The following GLI3 variants were observed in gnomAD, a reference collection of about 807,000 sequenced individuals.
GLI3 encodes the protein transcription activator GLI3.
GLI3 carries 20 observed loss-of-function variants against 100.8 expected under a neutral mutation model. The observed-to-expected ratio is 0.20, with a 90% CI of 0.14 to 0.29. The LOEUF (loss-of-function observed/expected upper bound fraction) is 0.29. Ranked by LOEUF, GLI3 falls within the 10% of genes least tolerant of loss-of-function variation. The probability of loss-of-function intolerance (pLI) is 1.00; values close to 1 mark genes in which losing one functional copy is unlikely to be tolerated. For missense variants in GLI3, 2,040 were observed against 2,128.5 expected, an observed-to-expected ratio of 0.96 and a Z score of 0.82; for synonymous variants, 938 against 860.5, an observed-to-expected ratio of 1.09 and a Z score of -1.58.
chr7:42,225,603 C>T (rs1480792382), intron 1 of GLI3, among the ~76,000 whole-genome samples: 2 of 152,166 alleles, frequency 1.3e-5, no homozygotes, highest in African/African-American at 4.8e-5. Context: ...TCAGGTGATC[C>T]ACCCGCCTCG....
intron 10 of GLI3, among the ~76,000 whole-genome samples, chr7:41,988,881 T>C (rs747394354): frequency 2.6e-5 from 4 of 152,232 alleles, no homozygotes; most frequent in Non-Finnish European, 4.4e-5. Flanking sequence ...GAGGCTTCTC[T>C]TACCATCCAG....
rs191572464 is a variant in GLI3, at chr7:42,205,904, T to C, written c.124+17226A>G. 2.0e-5 allele frequency among the ~76,000 whole-genome samples: 3 copies of C among 152,292 alleles called. No homozygotes were observed. In the East Asian group the frequency reaches 5.8e-4, roughly 29 times the overall value. On this transcript the variant is annotated intron_variant, in intron 2 of 14. Coordinates refer to ENST00000395925, the MANE Select transcript of GLI3 (RefSeq NM_000168.6). ...TGTGAGAATGCCACAGAAAAACGAC[T>C]AAGATTGCTTCCCACAGCCAATATA...
upstream of GLI3, among the ~76,000 whole-genome samples, chr7:42,239,530 G>A (rs576922474): frequency 6.6e-6 from 1 of 152,082 alleles, no homozygotes; most frequent in Non-Finnish European, 1.5e-5. Context: ...AATACAAATA[G>A]TACATCCTGA....
intron 14 of GLI3, among the ~76,000 whole-genome samples, chr7:41,967,312 C>T (rs1393776426): frequency 2.0e-5 from 3 of 152,220 alleles, no homozygotes; most frequent in African/African-American, 7.2e-5. Context: ...CCACAGATGC[C>T]TCCACTGCTG....
At chr7:42,019,695 T>C (rs954323926) in intron 10 of GLI3, among the ~76,000 whole-genome samples, 2 of 152,156 alleles carry the variant, frequency 1.3e-5, no homozygotes. Context: ...AAGAAAAATA[T>C]GGACTTTCAA....
chr7:42,037,099 C>A (rs1784027405), intron 7 of GLI3, among the ~76,000 whole-genome samples: 1 of 152,108 alleles, frequency 6.6e-6, no homozygotes, highest in Non-Finnish European at 1.5e-5. Context: ...CGAGATCGTG[C>A]CACTTCACTC....
chr7:42,181,609 A>G (rs952435814), intron 2 of GLI3, among the ~76,000 whole-genome samples: 1 of 152,190 alleles, frequency 6.6e-6, no homozygotes, highest in Admixed American at 6.5e-5. Flanking sequence ...CATCTCAACA[A>G]CAAACAAAAA....
intron 3 of GLI3, among the ~76,000 whole-genome samples, chr7:42,091,631 C>T (rs1435160476): frequency 1.3e-5 from 2 of 152,228 alleles, no homozygotes; most frequent in Non-Finnish European, 1.5e-5. Flanking sequence ...ATATATAAAT[C>T]ACAATTACTA....
chr7:42,228,136 C>T (rs933431398), intron 1 of GLI3, among the ~76,000 whole-genome samples: 5 of 152,054 alleles, frequency 3.3e-5, no homozygotes, highest in Non-Finnish European at 5.9e-5. Flanking sequence ...GCGCTGTCTG[C>T]AGCCGCGTCG....
At chr7:41,989,252 T>A (rs1313873192) in intron 10 of GLI3, among the ~76,000 whole-genome samples, 2 of 152,226 alleles carry the variant, frequency 1.3e-5, no homozygotes. Flanking sequence ...TTATTTTAAC[T>A]GTGTAGTCAT....
At chr7:42,024,744 T>A (rs1179293719) in intron 9 of GLI3, among the ~76,000 whole-genome samples, 1 of 152,176 alleles carries the variant, frequency 6.6e-6, no homozygotes, top group East Asian at 1.9e-4. Context: ...TTAGGCTGAG[T>A]GCCAGAATCC....
chr7:42,121,924 G>T lies in GLI3; in HGVS notation c.367+26302C>A, dbSNP rs891203087. 2.6e-5 allele frequency among the ~76,000 whole-genome samples: 4 copies of T among 152,250 alleles called. No individual in the cohort carries two copies. The East Asian group carries it at 5.8e-4, about 22-fold the overall frequency. On this transcript the variant is annotated intron_variant, in intron 3 of 14. Transcript: ENST00000395925. ...TAAGCCCCAGATCTTAAAATTAAAAGGTACCAAGTAGCCACAACAAGTGGA... is the reference window on the plus strand; with the variant it reads ...TAAGCCCCAGATCTTAAAATTAAAATGTACCAAGTAGCCACAACAAGTGGA...
chr7:42,076,815 A>G lies in GLI3; in HGVS notation c.410T>C (p.Ile137Thr). The G allele has an allele frequency of 6.2e-7, 1 of 1,613,552 alleles. No individual in the cohort carries two copies. Among genetic ancestry groups the G allele is most frequent in the Non-Finnish European group, 8.5e-7 (1 of 1,179,428 alleles). Residue 137 changes from isoleucine (I) to threonine (T), a missense_variant, in exon 4 of 15, where the codon ATT (isoleucine) becomes ACT (threonine). Ile to Thr is a moderately conservative substitution (Grantham distance 89). Around this residue, in one of 5 missense-constraint regions of GLI3, gnomAD observed 603 missense variants for 690.9 expected, o/e 0.87. Transcript: ENST00000395925. ...LFPAFHPPVP[I>T]DARHHEGRYH... ...ACGGCCCTCATGATGTCTGGCATCA[A>G]TTGGTACAGGAGGATGGAAGGCAGG...
chr7:42,039,668 T>A (rs1784090221), intron 7 of GLI3, among the ~76,000 whole-genome samples: 1 of 152,232 alleles, frequency 6.6e-6, no homozygotes, highest in Non-Finnish European at 1.5e-5. Context: ...TTGTTCATGT[T>A]CTGTACATGT....
chr7:42,076,372 C>T (rs1312162018), intron 4 of GLI3, among the ~76,000 whole-genome samples: 2 of 152,126 alleles, frequency 1.3e-5, no homozygotes, highest in African/African-American at 4.8e-5. Context: ...CTTGTGATCC[C>T]CAGAACAGGA....
At chr7:42,226,382 T>C (rs1299810504) in intron 1 of GLI3, among the ~76,000 whole-genome samples, 1 of 152,192 alleles carries the variant, frequency 6.6e-6, no homozygotes, top group Non-Finnish European at 1.5e-5. Context: ...TTTGTGGAGT[T>C]GTTGGTTTTT....
chr7:42,151,832 C>T (rs776665946), intron 2 of GLI3: 4 of 152,028 alleles, frequency 2.6e-5, no homozygotes, highest in African/African-American at 7.2e-5. Context: ...TAGAAACTGT[C>T]CCAGAATTTC....
At chr7:42,005,132 A>G (rs1029739876) in intron 10 of GLI3, among the ~76,000 whole-genome samples, 1 of 152,192 alleles carries the variant, frequency 6.6e-6, no homozygotes, top group African/African-American at 2.4e-5. Flanking sequence ...TTAGAAATAC[A>G]TGAAGACAAA....
chr7:42,221,377 T>C (rs867785396), intron 2 of GLI3, among the ~76,000 whole-genome samples: 3 of 152,224 alleles, frequency 2.0e-5, no homozygotes, highest in African/African-American at 7.2e-5. Flanking sequence ...GCAGGCTCCA[T>C]GCAGTGCAGC....
Sources: allele counts gnomAD v4.1 joint callset (sites outside exome capture counted in the v4.1 genomes callset), GRCh38; gene constraint gnomAD v4.1.1; regional missense constraint gnomAD v4.1.1; transcripts MANE v1.5; gene names NCBI Gene and HGNC (gene_info 2026-07-23, HGNC 2026-07-21).